The following SRPRB variants were observed in gnomAD, a reference collection of about 807,000 sequenced individuals.
SRPRB encodes SRP receptor subunit beta, also known as signal recognition particle receptor subunit beta.
In SRPRB, 20 loss-of-function variants were observed where a neutral mutation model predicts 31.9. The observed-to-expected ratio is 0.63, with a 90% CI of 0.44 to 0.91. SRPRB has a LOEUF of 0.91. Among genes scored for constraint, SRPRB ranks in the 40% least tolerant of loss-of-function variants. The probability of loss-of-function intolerance (pLI) is 0.00; values close to 1 mark genes in which losing one functional copy is unlikely to be tolerated. For missense variants in SRPRB, 321 were observed against 324.9 expected (o/e 0.99, Z 0.09); for synonymous variants, 146 against 132.8 (o/e 1.10, Z -0.68).
chr3:133,789,009 C>G (rs528733839), intron 1 of SRPRB: 73 of 152,412 alleles, frequency 4.8e-4, no homozygotes, highest in African/African-American at 1.7e-3. Flanking sequence ...CAAAGGACAG[C>G]TCACAATTGC....
intron 1 of SRPRB, chr3:133,795,280 C>T (rs1323829609): frequency 6.6e-6 from 1 of 152,186 alleles, no homozygotes; most frequent in Non-Finnish European, 1.5e-5. Flanking sequence ...TACTTACTCT[C>T]AACTCTTGGT....
At chr3:133,806,428 T>C in intron 1 of SRPRB, 181 bp from the exon 2 acceptor site, 1 of 569,622 alleles carries the variant, frequency 1.8e-6, no homozygotes, top group South Asian at 2.4e-5. Flanking sequence ...AGTTGACAGT[T>C]GACAGTGCCT....
At chr3:133,799,804 A>T (rs545905101) in intron 1 of SRPRB, among the ~76,000 whole-genome samples, 1 of 152,352 alleles carries the variant, frequency 6.6e-6, no homozygotes, top group African/African-American at 2.4e-5. Flanking sequence ...ACAAAAAGTT[A>T]TCCTTGAATG....
chr3:133,793,974 T>C (rs146125816), intron 1 of SRPRB: 1 of 152,336 alleles, frequency 6.6e-6, no homozygotes, highest in African/African-American at 2.4e-5. Context: ...TTGCCAGATT[T>C]TCATGCTAAA....
At chr3:133,823,565 A>AAAG (rs538640840), downstream of SRPRB, among the ~76,000 whole-genome samples, 151 of 152,284 alleles carry the variant, frequency 9.9e-4, 1 homozygote, top group African/African-American at 3.4e-3. Flanking sequence ...ATAAGCTTTA[A>AAAG]AAGGAAAGGT....
intron 1 of SRPRB, chr3:133,784,462 T>G (rs1454360870): frequency 2.6e-5 from 2 of 77,488 alleles, no homozygotes; most frequent in African/African-American, 1.3e-4. Flanking sequence ...AAATTCCCAT[T>G]TGTTAAAAAA....
In SRPRB at chr3:133,821,368, C is replaced by G. The variant is rs1289409245; in HGVS notation, c.*1602C>G. On this transcript the variant is annotated 3_prime_UTR_variant, in exon 7 of 7. Coordinates refer to ENST00000678299, the MANE Select transcript of SRPRB (RefSeq NM_001379313.1). ...GTCTTTTGGACTCTTATTTCTTGCC[C>G]TTTTCCTTATTAGGCAAGCAGTAAC... 1 of 152,142 alleles carries G rather than the reference C, an allele frequency of 6.6e-6. No homozygotes were observed. The highest frequency in any genetic ancestry group is 1.5e-5 in the Non-Finnish European group (1 of 68,032). The allele number at this position is 152,142 out of a possible 1,614,324, so 9.4% of individuals were successfully genotyped here.
chr3:133,805,947 G>T lies in SRPRB; in HGVS notation c.99G>T (p.Thr33=), dbSNP rs564923187. 6.2e-7 allele frequency: 1 copy of T among 1,613,966 alleles called. No homozygotes were observed. The highest frequency in any genetic ancestry group is 1.3e-5 in the African/African-American group (1 of 75,046). ...CCTTGCGGCAGGAGCTGCAGCAGAC[G>T]GACCCAACGCTGTTGTCAGTAGTGG... ...LDTLRQELQQ[T]DPTLLSVVVA... is the part of the protein sequence containing the mutation. Residue 33 remains threonine, a synonymous_variant, in exon 1 of 7, where the codon ACG becomes ACT. Transcript: ENST00000678299.
At chr3:133,814,683 C>T (rs940523491) in intron 4 of SRPRB, among the ~76,000 whole-genome samples, 1 of 152,028 alleles carries the variant, frequency 6.6e-6, no homozygotes, top group Admixed American at 6.6e-5. Context: ...AAGTGATCTG[C>T]CTGTCTCGGC....
chr3:133,822,120 G>T (rs1935483499), downstream of SRPRB, among the ~76,000 whole-genome samples: 1 of 152,180 alleles, frequency 6.6e-6, no homozygotes, highest in Non-Finnish European at 1.5e-5. Context: ...TCATGAGATG[G>T]GCAGGTGTGG....
chr3:133,818,785 A>ATTGTGTGT (rs1553744278), intron 6 of SRPRB, among the ~76,000 whole-genome samples: 1 of 144,102 alleles, frequency 6.9e-6, no homozygotes, highest in African/African-American at 2.6e-5. Context: ...ATACTTTTAC[A>ATTGTGTGT]GTGTGTGTGT....
At chr3:133,795,638 C>T (rs1354630497) in intron 1 of SRPRB, 2 of 142,668 alleles carry the variant, frequency 1.4e-5, no homozygotes, top group Non-Finnish European at 3.0e-5. Flanking sequence ...TGCAGTGGCA[C>T]GATCTCGGCT....
rs56267966 is a variant in SRPRB at position 133,789,879 on chromosome 3, G to GTTTTTTTTTT, written c.-174+5755_-174+5764dup. On this transcript the variant is annotated intron_variant, in intron 1 of 7. Transcript: ENST00000466490. The stretch of plus-strand genomic sequence containing the variant: ...GCCAAAACAAAACGATCTCGTTTGC[G>GTTTTTTTTTT]TTTTTTTTTTTTTTTTTTTTTTTTT... 2.7e-4 allele frequency: 24 copies of GTTTTTTTTTT among 88,964 alleles called. 3 individuals are homozygous for GTTTTTTTTTT. Among genetic ancestry groups the GTTTTTTTTTT allele is most frequent in the African/African-American group, 3.8e-4 (7 of 18,258 alleles). 5.5% of individuals were successfully genotyped at this position (88,964 alleles called of 1,614,324 possible).
chr3:133,789,948 G>C (rs2107951594), intron 1 of SRPRB: 1 of 131,484 alleles, frequency 7.6e-6, no homozygotes, highest in East Asian at 2.3e-4. Flanking sequence ...AATCTTCTGG[G>C]TTACTGGCAA....
intron 4 of SRPRB, 57 bp downstream of exon 4, chr3:133,811,256 C>T: frequency 6.4e-7 from 1 of 1,557,792 alleles, no homozygotes; most frequent in Non-Finnish European, 8.8e-7. Context: ...ATATCAAAGC[C>T]ACTCATGTGA....
chr3:133,800,565 G>A (rs1935047272), intron 1 of SRPRB, among the ~76,000 whole-genome samples: 1 of 152,192 alleles, frequency 6.6e-6, no homozygotes, highest in African/African-American at 2.4e-5. Flanking sequence ...GATCCTACTT[G>A]TATCTGACGA....
chr3:133,796,948 T>G (rs1242269607), intron 1 of SRPRB, among the ~76,000 whole-genome samples: 1 of 152,236 alleles, frequency 6.6e-6, no homozygotes, highest in African/African-American at 2.4e-5. Flanking sequence ...TGCAAAGGGC[T>G]TTATATCAGT....
intron 1 of SRPRB, among the ~76,000 whole-genome samples, chr3:133,799,955 G>A (rs949825761): frequency 1.3e-5 from 2 of 152,176 alleles, no homozygotes; most frequent in South Asian, 2.1e-4. Context: ...ACATGCCAGC[G>A]AGCAGTAATG....
downstream of SRPRB, chr3:133,828,441 AC>A: frequency 1.0e-5 from 4 of 386,868 alleles, no homozygotes; most frequent in South Asian, 1.2e-4. Flanking sequence ...ATATACAAAA[AC>A]AAAAAGCACA....
Sources: allele counts gnomAD v4.1 joint callset (sites outside exome capture counted in the v4.1 genomes callset), GRCh38; gene constraint gnomAD v4.1.1; transcripts MANE v1.5; gene names NCBI Gene and HGNC (gene_info 2026-07-23, HGNC 2026-07-21).